FGF10: variants seen among roughly 807,000 people sequenced by gnomAD.
FGF10 encodes fibroblast growth factor 10.
A neutral mutation model predicts 19.8 loss-of-function variants in FGF10; 2 were observed. The observed-to-expected ratio is 0.10, with a 90% CI of 0.04 to 0.32. The LOEUF (loss-of-function observed/expected upper bound fraction) is 0.32, where lower values mean the gene tolerates loss of function less well. Ranked by LOEUF, FGF10 falls within the 10% of genes least tolerant of loss-of-function variation. FGF10 has a pLI of 1.00. For synonymous variants in FGF10, 112 were observed against 94.0 expected, an observed-to-expected ratio of 1.19 and a Z score of -1.10; for missense variants, 191 against 246.3, an observed-to-expected ratio of 0.78 and a Z score of 1.50.
At position 44,302,075 on chromosome 5, in the gene FGF10, A is replaced by T. The variant is rs13186320; in HGVS notation, c.*2920T>A. ...AGAGGCAGATCTCTCAATAGCTCCA[A>T]TTTTTTTTTTTTTCAAATCTACAAC... On this transcript the variant is annotated 3_prime_UTR_variant, in exon 3 of 3. Transcript: ENST00000264664. Among the ~76,000 whole-genome samples, 59,211 of 146,738 alleles carry T rather than the reference A, an allele frequency of 0.4. 13,722 individuals carry two copies. Among genetic ancestry groups the T allele is most frequent in the South Asian group, 0.56 (2,586 of 4,654 alleles).
At chr5:44,352,672 A>C (rs1239339066) in intron 1 of FGF10, among the ~76,000 whole-genome samples, 1 of 151,544 alleles carries the variant, frequency 6.6e-6, no homozygotes, top group African/African-American at 2.4e-5. Flanking sequence ...CTGAGAAAAC[A>C]TTTTCCAGGT....
intron 1 of FGF10, among the ~76,000 whole-genome samples, chr5:44,311,041 C>CTGAT (rs913850299): frequency 1.3e-5 from 2 of 152,072 alleles, no homozygotes; most frequent in African/African-American, 4.8e-5. Context: ...CTACATTTAA[C>CTGAT]TGATAGATTC....
chr5:44,380,580 A>G (rs1017100642), intron 1 of FGF10, among the ~76,000 whole-genome samples: 2 of 152,232 alleles, frequency 1.3e-5, no homozygotes, highest in African/African-American at 4.8e-5. Context: ...ACAGGGGTAC[A>G]CAGAGAAGCT....
intron 1 of FGF10, among the ~76,000 whole-genome samples, chr5:44,326,559 C>G (rs1487775826): frequency 6.6e-6 from 1 of 151,792 alleles, no homozygotes; most frequent in Non-Finnish European, 1.5e-5. Flanking sequence ...CCACCATGCC[C>G]AGCTAATTTT....
intron 1 of FGF10, among the ~76,000 whole-genome samples, chr5:44,337,134 A>ATTT (rs59140318): frequency 1.3e-3 from 204 of 151,920 alleles, no homozygotes; most frequent in Middle Eastern, 3.4e-3. Context: ...ATGTTATTAC[A>ATTT]TTTTTTTTCT....
rs1739952515 is a variant in FGF10 at position 44,300,863 on chromosome 5, T to C, written c.*4132A>G. On this transcript the variant is annotated 3_prime_UTR_variant, in exon 3 of 3. Coordinates refer to ENST00000264664, the MANE Select transcript of FGF10 (RefSeq NM_004465.2). ...GATTGGTCTAGAGGTTGGTATGTTA[T>C]CCAAACCTGGCCAATAAGAGTTATA... Among the ~76,000 whole-genome samples the C allele has an allele frequency of 6.6e-6, 1 of 152,068 alleles. No individual in the cohort carries two copies. The highest frequency in any genetic ancestry group is 1.5e-5 in the Non-Finnish European group (1 of 68,006).
intron 1 of FGF10, among the ~76,000 whole-genome samples, chr5:44,367,026 C>T (rs186834083): frequency 4.0e-5 from 6 of 151,682 alleles, no homozygotes; most frequent in African/African-American, 1.5e-4. Flanking sequence ...TCTCAAACTG[C>T]AAGAAAATAA....
chr5:44,377,151 T>C (rs1388611578), intron 1 of FGF10, among the ~76,000 whole-genome samples: 3 of 152,198 alleles, frequency 2.0e-5, no homozygotes, highest in African/African-American at 7.2e-5. Context: ...CCTTCTCTTG[T>C]TTTATCTCTG....
intron 1 of FGF10, among the ~76,000 whole-genome samples, chr5:44,368,737 G>A (rs1031648564): frequency 6.6e-6 from 1 of 151,990 alleles, no homozygotes; most frequent in East Asian, 1.9e-4. Context: ...GGCACCATCA[G>A]GGCTCACTGC....
At chr5:44,337,758 A>C (rs1407548346) in intron 1 of FGF10, among the ~76,000 whole-genome samples, 1 of 152,060 alleles carries the variant, frequency 6.6e-6, no homozygotes, top group Non-Finnish European at 1.5e-5. Context: ...TGGCTAACAC[A>C]GTGAAAACCC....
chr5:44,344,919 A>C (rs2111800725), intron 1 of FGF10, among the ~76,000 whole-genome samples: 1 of 150,768 alleles, frequency 6.6e-6, no homozygotes, highest in Non-Finnish European at 1.5e-5. Context: ...ATATACAATT[A>C]CTTGTTAGCT....
At chr5:44,351,928 C>A (rs1049483400) in intron 1 of FGF10, among the ~76,000 whole-genome samples, 1 of 151,464 alleles carries the variant, frequency 6.6e-6, no homozygotes, top group Admixed American at 6.6e-5. Context: ...TCTGGATTTT[C>A]CAAGTGTGAA....
intron 1 of FGF10, among the ~76,000 whole-genome samples, chr5:44,329,797 T>C (rs1281324229): frequency 2.0e-5 from 3 of 152,148 alleles, no homozygotes; most frequent in Non-Finnish European, 2.9e-5. Flanking sequence ...GCACGGGTAA[T>C]TGGCAAGACC....
chr5:44,380,723 G>T (rs989883626), intron 1 of FGF10, among the ~76,000 whole-genome samples: 1 of 152,294 alleles, frequency 6.6e-6, no homozygotes, highest in East Asian at 1.9e-4. Context: ...GCTCACACCC[G>T]TAATCCCAGC....
At chr5:44,312,851 G>A (rs570364273) in intron 1 of FGF10, among the ~76,000 whole-genome samples, 2 of 152,142 alleles carry the variant, frequency 1.3e-5, no homozygotes, top group East Asian at 1.9e-4. Flanking sequence ...TGCATGCAAC[G>A]TCCTGGGATT....
At chr5:44,334,504 T>C (rs1740804250) in intron 1 of FGF10, among the ~76,000 whole-genome samples, 1 of 152,070 alleles carries the variant, frequency 6.6e-6, no homozygotes, top group African/African-American at 2.4e-5. Flanking sequence ...TTTTTTTTTA[T>C]TATACTTTAA....
intron 1 of FGF10, among the ~76,000 whole-genome samples, chr5:44,353,796 A>T (rs2111831470): frequency 6.6e-6 from 1 of 150,694 alleles, no homozygotes; most frequent in African/African-American, 2.4e-5. Flanking sequence ...AATATGAAAA[A>T]AGCTGGGGGG....
rs1739984540 is a variant in FGF10, at chr5:44,302,320, TTC to T, written c.*2673_*2674del. Among the ~76,000 whole-genome samples, 2 of 148,730 alleles carry T rather than the reference TTC, an allele frequency of 1.3e-5. No individual in the cohort carries two copies. Among genetic ancestry groups the T allele is most frequent in the Non-Finnish European group, 3.0e-5 (2 of 66,892 alleles). On this transcript the variant is annotated 3_prime_UTR_variant, in exon 3 of 3. Transcript: ENST00000264664. The stretch of plus-strand genomic sequence containing the variant: ...CTTCCTTCCTTCCTTCCTTCCTTCC[TTC>T]CTTCCTTCCTGTCTTTCTGTCTTTT...
At position 44,301,026 on chromosome 5, in the gene FGF10, A is replaced by T. The variant is rs1000248994; in HGVS notation, c.*3969T>A. 6.6e-6 allele frequency among the ~76,000 whole-genome samples: 1 copy of T among 152,120 alleles called. No homozygotes were observed. Among genetic ancestry groups the T allele is most frequent in the Non-Finnish European group, 1.5e-5 (1 of 68,010 alleles). On this transcript the variant is annotated 3_prime_UTR_variant, in exon 3 of 3. Transcript: ENST00000264664. ...AAGGGTAACAGAAAATGAATGTCTGAGAAGAAGCAGATCTTCGTTACTTCA... is the reference window on the plus strand; with the variant it reads ...AAGGGTAACAGAAAATGAATGTCTGTGAAGAAGCAGATCTTCGTTACTTCA...
Sources: allele counts gnomAD v4.1 joint callset (sites outside exome capture counted in the v4.1 genomes callset), GRCh38; gene constraint gnomAD v4.1.1; transcripts MANE v1.5; gene names NCBI Gene and HGNC (gene_info 2026-07-23, HGNC 2026-07-21).